Variants in CNTLN observed in about 807,000 individuals in gnomAD.
The protein encoded by CNTLN is centlein.
In CNTLN, 212 loss-of-function variants were observed where a neutral mutation model predicts 180.0. That is an observed-to-expected ratio of 1.18 (90% confidence interval 1.05 to 1.32). The LOEUF is 1.32. CNTLN is among the 40% of genes most tolerant of loss of function. The pLI is 0.00. For missense variants in CNTLN, 2,095 were observed against 1,610.9 expected, an observed-to-expected ratio of 1.30 and a Z score of -5.14; for synonymous variants, 722 against 563.1, an observed-to-expected ratio of 1.28 and a Z score of -3.99.
chr9:17,410,027 C>T (rs1204990609), intron 16 of CNTLN, among the ~76,000 whole-genome samples: 1 of 152,064 alleles, frequency 6.6e-6, no homozygotes, highest in Non-Finnish European at 1.5e-5. Flanking sequence ...TTTGAATTAA[C>T]CTATAAGATT....
chr9:17,308,546 A>ATGT (rs1818899352), intron 7 of CNTLN, among the ~76,000 whole-genome samples: 1 of 152,092 alleles, frequency 6.6e-6, no homozygotes, highest in African/African-American at 2.4e-5. Context: ...TTTCTTTCAA[A>ATGT]TGTATATGTT....
At chr9:17,462,886 T>A in intron 19 of CNTLN, 30 bp from the exon 20 acceptor site, 1 of 1,237,300 alleles carries the variant, frequency 8.1e-7, no homozygotes. Flanking sequence ...TTGTAAGGTA[T>A]ATTTAAATTT....
chr9:17,151,777 ATCCATCTAG>A (rs1818900069), intron 2 of CNTLN, among the ~76,000 whole-genome samples: 2 of 152,136 alleles, frequency 1.3e-5, no homozygotes, highest in South Asian at 4.1e-4. Flanking sequence ...TCGGCTGTGA[ATCCATCTAG>A]TCCTTGACTT....
intron 13 of CNTLN, among the ~76,000 whole-genome samples, chr9:17,379,598 G>A (rs1228627508): frequency 6.6e-6 from 1 of 152,124 alleles, no homozygotes; most frequent in Non-Finnish European, 1.5e-5. Flanking sequence ...CTGATGCCCA[G>A]TATCTAAAAA....
chr9:17,331,772 T>C (rs897122141), intron 9 of CNTLN, among the ~76,000 whole-genome samples: 2 of 152,078 alleles, frequency 1.3e-5, no homozygotes, highest in African/African-American at 4.8e-5. Context: ...TCTTGCCATT[T>C]TGAAGTAGTT....
At chr9:17,393,580 T>C (rs957851344) in intron 14 of CNTLN, among the ~76,000 whole-genome samples, 4 of 152,212 alleles carry the variant, frequency 2.6e-5, no homozygotes, top group African/African-American at 9.6e-5. Flanking sequence ...ATTTAAGTTT[T>C]CAGAACCTCT....
chr9:17,402,671 G>A lies in CNTLN; in HGVS notation c.2616-6622G>A, dbSNP rs80092630. Reference sequence around the variant, plus strand: ...TAAAGAATGGCCTCTGTGAGCAAGAGGGAATTCTCCAGAAAATTGCCTTCA... The same window carrying A: ...TAAAGAATGGCCTCTGTGAGCAAGAAGGAATTCTCCAGAAAATTGCCTTCA... On this transcript the variant is annotated intron_variant, in intron 15 of 25. Transcript: ENST00000380647. Among the ~76,000 whole-genome samples the A allele has an allele frequency of 6.6e-3, 998 of 151,860 alleles. 41 individuals are homozygous for A. The highest frequency in any genetic ancestry group is 0.023 in the African/African-American group (943 of 41,230).
intron 15 of CNTLN, among the ~76,000 whole-genome samples, chr9:17,396,391 T>C (rs1019496182): frequency 3.3e-5 from 5 of 152,220 alleles, no homozygotes; most frequent in Non-Finnish European, 5.9e-5. Flanking sequence ...ATAGAACACC[T>C]CTTTTTTACA....
chr9:17,341,746 G>A (rs988464635), intron 11 of CNTLN, among the ~76,000 whole-genome samples: 12 of 152,260 alleles, frequency 7.9e-5, no homozygotes, highest in Middle Eastern at 3.4e-3. Flanking sequence ...AGGGCATTTG[G>A]CATCACTTGT....
intron 23 of CNTLN, among the ~76,000 whole-genome samples, chr9:17,479,104 G>C (rs539514696): frequency 2.0e-5 from 3 of 152,192 alleles, no homozygotes; most frequent in Admixed American, 2.0e-4. Context: ...GGAATGCAAA[G>C]TGGTGCAGCT....
At chr9:17,454,576 G>C (rs1303227375) in intron 18 of CNTLN, among the ~76,000 whole-genome samples, 3 of 152,176 alleles carry the variant, frequency 2.0e-5, no homozygotes, top group Non-Finnish European at 4.4e-5. Flanking sequence ...TATTAATCTA[G>C]CTCCTCAGCC....
the CNTLN span, among the ~76,000 whole-genome samples, chr9:17,511,058 C>G: frequency 6.6e-6 from 1 of 152,140 alleles, no homozygotes; most frequent in Non-Finnish European, 1.5e-5. Context: ...ATAGTTTTAA[C>G]TATTCTAATG....
intron 8 of CNTLN, among the ~76,000 whole-genome samples, chr9:17,316,293 T>C (rs73420278): frequency 1.6e-3 from 246 of 152,184 alleles, no homozygotes; most frequent in African/African-American, 5.7e-3. Flanking sequence ...TTGTATCGTT[T>C]TCCATACTTT....
At chr9:17,468,320 T>C (rs772757853) in intron 23 of CNTLN, among the ~76,000 whole-genome samples, 1 of 151,600 alleles carries the variant, frequency 6.6e-6, no homozygotes, top group Non-Finnish European at 1.5e-5. Flanking sequence ...TGAAATAGTA[T>C]GTACATGAAA....
intron 2 of CNTLN, among the ~76,000 whole-genome samples, chr9:17,213,409 T>C (rs879675998): frequency 1.3e-5 from 2 of 152,256 alleles, no homozygotes; most frequent in African/African-American, 2.4e-5. Flanking sequence ...GATTGCACTG[T>C]GGTCTGAGAG....
At chr9:17,308,907 T>C (rs1333488912) in intron 7 of CNTLN, 151 bp from the exon 8 acceptor site, 2 of 363,924 alleles carry the variant, frequency 5.5e-6, no homozygotes, top group Non-Finnish European at 9.9e-6. Flanking sequence ...TGTGTTTATA[T>C]CTTCTTTCTC....
intron 8 of CNTLN, among the ~76,000 whole-genome samples, chr9:17,325,359 T>C (rs1820197844): frequency 7.4e-6 from 1 of 134,302 alleles, no homozygotes. Flanking sequence ...AGAAGAAAAG[T>C]GTGTGTGCAT....
chr9:17,471,715 A>T (rs2134240303), intron 23 of CNTLN, among the ~76,000 whole-genome samples: 1 of 152,208 alleles, frequency 6.6e-6, no homozygotes, highest in Non-Finnish European at 1.5e-5. Flanking sequence ...AGGGTTTTTC[A>T]AAACCCTTTG....
At chr9:17,211,589 A>G (rs575686143) in intron 2 of CNTLN, among the ~76,000 whole-genome samples, 12 of 152,260 alleles carry the variant, frequency 7.9e-5, no homozygotes, top group Non-Finnish European at 1.8e-4. Context: ...CAATTCTGTG[A>G]AGAAAGTCAT....
Sources: allele counts gnomAD v4.1 joint callset (sites outside exome capture counted in the v4.1 genomes callset), GRCh38; gene constraint gnomAD v4.1.1; transcripts MANE v1.5; gene names NCBI Gene and HGNC (gene_info 2026-07-23, HGNC 2026-07-21).